Variants in SMARCA2 observed in about 807,000 individuals in gnomAD.
The protein encoded by SMARCA2 is SWI/SNF related BAF chromatin remodeling complex subunit ATPase 2, also known as SWI/SNF-related matrix-associated actin-dependent regulator of chromatin subfamily A member 2.
Under a neutral mutation model 199.8 loss-of-function variants are expected in SMARCA2, and 61 were observed. The observed-to-expected ratio is 0.31, with a 90% CI of 0.25 to 0.38. SMARCA2 has a LOEUF of 0.38. Among genes scored for constraint, SMARCA2 ranks in the 10% least tolerant of loss-of-function variants. The pLI, the probability that SMARCA2 is intolerant of heterozygous loss-of-function variation, is 1.00. For synonymous variants in SMARCA2, 935 were observed against 732.0 expected (o/e 1.28, Z -4.48); for missense variants, 1,344 against 2,012.2 (o/e 0.67, Z 6.35).
Position 2,119,166 on chromosome 9 carries a change from C to T in SMARCA2, c.3685-292C>T, listed in dbSNP as rs989213816. 9.9e-5 allele frequency among the ~76,000 whole-genome samples: 15 copies of T among 152,130 alleles called. No homozygotes were observed. The highest frequency in any genetic ancestry group is 3.1e-4 in the African/African-American group (13 of 41,420). On this transcript the variant is annotated intron_variant, in intron 25 of 33. Coordinates refer to ENST00000349721, the MANE Select transcript of SMARCA2 (RefSeq NM_003070.5). The surrounding 1 kb of genome is among the most constrained non-coding windows in gnomAD (Gnocchi z 4.6). ...CATATGACCAATGAGGTCACTGAAG[C>T]GAGGAGACATTAAGTAACTTGTTGT...
chr9:2,155,959 A>G (rs939793894), intron 27 of SMARCA2, among the ~76,000 whole-genome samples: 3 of 151,924 alleles, frequency 2.0e-5, no homozygotes, highest in Admixed American at 2.0e-4. Flanking sequence ...AGTTAATGTC[A>G]TCAGTTTATT....
intron 32 of SMARCA2, 151 bp from the exon 33 acceptor site, chr9:2,191,115 G>C: frequency 5.4e-6 from 4 of 737,208 alleles, no homozygotes; most frequent in Non-Finnish European, 9.1e-6. Flanking sequence ...TCGCTGACTA[G>C]ACAGAACCAC....
intron 27 of SMARCA2, among the ~76,000 whole-genome samples, chr9:2,153,528 C>G (rs544717177): frequency 1.6e-4 from 24 of 151,962 alleles, no homozygotes; most frequent in African/African-American, 5.6e-4. Context: ...AGAATGAGGC[C>G]CCGTCTAGAA....
intron 12 of SMARCA2, among the ~76,000 whole-genome samples, chr9:2,074,612 A>T (rs1821241753): frequency 6.6e-6 from 1 of 152,236 alleles, no homozygotes; most frequent in Admixed American, 6.5e-5. Context: ...CATGCCTATA[A>T]TCCCAGCATT....
intron 9 of SMARCA2, among the ~76,000 whole-genome samples, chr9:2,065,551 G>GTGGTAGGAAATGTGTTT (rs1820803291): frequency 6.6e-6 from 1 of 152,168 alleles, no homozygotes; most frequent in Non-Finnish European, 1.5e-5. Context: ...GGCCAACATA[G>GTGGTAGGAAATGTGTTT]TGGTAGGAAA....
chr9:2,179,672 A>C (rs1221364302), intron 29 of SMARCA2, among the ~76,000 whole-genome samples: 1 of 152,188 alleles, frequency 6.6e-6, no homozygotes, highest in East Asian at 1.9e-4. Flanking sequence ...TTTCACCAGT[A>C]GCACAGTTAA....
At chr9:2,098,046 C>G (rs1307964014) in intron 21 of SMARCA2, among the ~76,000 whole-genome samples, 1 of 152,228 alleles carries the variant, frequency 6.6e-6, no homozygotes, top group Non-Finnish European at 1.5e-5. Flanking sequence ...AGGACATTTT[C>G]TGCCATGTTC....
At chr9:2,070,389 T>C (rs1821037787) in intron 9 of SMARCA2, 29 bp from the exon 10 acceptor site, 2 of 1,606,528 alleles carry the variant, frequency 1.2e-6, no homozygotes, top group African/African-American at 2.7e-5. Context: ...TCTTGGTTAC[T>C]TATAACATTC....
rs1294578738 is a variant in SMARCA2 at position 2,169,181 on chromosome 9, CCT to C, written c.4200-1237_4200-1236del. On this transcript the variant is annotated intron_variant, in intron 28 of 33. Transcript: ENST00000349721. This position sits in a 1 kb window ranked among gnomAD's most constrained non-coding sequence, Gnocchi z 6.5. ...CACCCGTTCACCTGCCTCCTCACCC[CCT>C]GTCTTCCTGAGGCCCTTGCACTGCT... Among the ~76,000 whole-genome samples, 1 of 152,202 alleles carries C rather than the reference CCT, an allele frequency of 6.6e-6. No individual in the cohort carries two copies. Among genetic ancestry groups the C allele is most frequent in the Admixed American group, 6.5e-5 (1 of 15,284 alleles).
At chr9:2,136,138 C>T (rs1824184253) in intron 27 of SMARCA2, among the ~76,000 whole-genome samples, 1 of 151,650 alleles carries the variant, frequency 6.6e-6, no homozygotes, top group African/African-American at 2.4e-5. Flanking sequence ...TCGTGCCTGG[C>T]AACTTTTACT....
chr9:2,102,860 G>T (rs898556409), intron 22 of SMARCA2, among the ~76,000 whole-genome samples: 1 of 151,850 alleles, frequency 6.6e-6, no homozygotes, highest in Admixed American at 6.6e-5. Context: ...GTTCAGTATA[G>T]CTCATAGAGC....
intron 29 of SMARCA2, among the ~76,000 whole-genome samples, chr9:2,178,281 C>A (rs985158589): frequency 1.3e-5 from 2 of 152,144 alleles, no homozygotes; most frequent in Non-Finnish European, 2.9e-5. Context: ...ACCCCTCCCC[C>A]ACTTACCCCA....
At chr9:2,150,623 C>T (rs1440368911) in intron 27 of SMARCA2, among the ~76,000 whole-genome samples, 4 of 151,652 alleles carry the variant, frequency 2.6e-5, no homozygotes, top group Non-Finnish European at 5.9e-5. Flanking sequence ...CATATGTACA[C>T]ATTCCCATCA....
At position 2,101,627 on chromosome 9, in the gene SMARCA2, A is replaced by C. The variant is rs766808033; in HGVS notation, c.3125+11A>C. Reference sequence around the variant, plus strand: ...TGGGGTCATCAATGGGTAAATCTCAAATTTTTTTTTCTTTTAAAAAAAAAT... The same window carrying C: ...TGGGGTCATCAATGGGTAAATCTCACATTTTTTTTTCTTTTAAAAAAAAAT... On this transcript the variant is annotated intron_variant, in intron 22 of 33. Transcript: ENST00000349721. The C allele has an allele frequency of 6.7e-7, 1 of 1,492,928 alleles. No homozygotes were observed. Among genetic ancestry groups the C allele is most frequent in the South Asian group, 1.2e-5 (1 of 84,514 alleles). 92.5% of individuals were successfully genotyped at this position (1,492,928 alleles called of 1,614,324 possible).
chr9:2,073,709 G>T, intron 12 of SMARCA2, 86 bp downstream of exon 12: 2 of 964,486 alleles, frequency 2.1e-6, no homozygotes, highest in Admixed American at 4.2e-5. Flanking sequence ...CGGGCCTTGG[G>T]TCCTTCTATC....
chr9:2,017,527 G>T lies in SMARCA2; in HGVS notation c.-37+2123G>T, dbSNP rs1818410709. 1 of 152,726 alleles carries T rather than the reference G, an allele frequency of 6.5e-6. No homozygotes were observed. Among genetic ancestry groups the T allele is most frequent in the Non-Finnish European group, 1.5e-5 (1 of 68,468 alleles). 9.5% of individuals were successfully genotyped at this position (152,726 alleles called of 1,614,324 possible). ...GGTTTGGTGGCGAGGGCTGGTGGGG[G>T]TGGCGTGTGCGTGTGGTTGTGAGTG... On this transcript the variant is annotated intron_variant, in intron 1 of 33. Transcript: ENST00000349721. This position sits in a 1 kb window ranked among gnomAD's most constrained non-coding sequence, Gnocchi z 8.8.
intron 28 of SMARCA2, among the ~76,000 whole-genome samples, chr9:2,168,396 A>G (rs1034475644): frequency 6.6e-6 from 1 of 152,188 alleles, no homozygotes; most frequent in East Asian, 1.9e-4. Context: ...GTTAATTCCT[A>G]TACACACTGA....
At position 2,169,866 on chromosome 9, in the gene SMARCA2, A is replaced by C. The variant is rs1463976436; in HGVS notation, c.4200-553A>C. ...ATTTCCCACTAAAGATCATGAATTC[A>C]GTGATCTCTCGAAAAGGAATAGAGC... On this transcript the variant is annotated intron_variant, in intron 28 of 33. Coordinates refer to ENST00000349721, the MANE Select transcript of SMARCA2 (RefSeq NM_003070.5). The surrounding 1 kb of genome is among the most constrained non-coding windows in gnomAD (Gnocchi z 6.5). 6.6e-6 allele frequency among the ~76,000 whole-genome samples: 1 copy of C among 152,216 alleles called. No homozygotes were observed. The highest frequency in any genetic ancestry group is 1.9e-4 in the East Asian group (1 of 5,202).
At chr9:2,060,098 A>T (rs994335072) in intron 8 of SMARCA2, among the ~76,000 whole-genome samples, 1 of 126,812 alleles carries the variant, frequency 7.9e-6, no homozygotes. Flanking sequence ...TGGGCCCATT[A>T]CTCAGTGCAG....
Sources: gnomAD v4.1 joint callset for allele counts (sites outside exome capture counted in the v4.1 genomes callset) on GRCh38, gnomAD v4.1.1 for gene constraint, Gnocchi (gnomAD v3.1) non-coding constraint, MANE v1.5 for transcripts, NCBI Gene and HGNC (gene_info 2026-07-23, HGNC 2026-07-21) for gene names.